KIAA0825: variants seen among roughly 807,000 people sequenced by gnomAD.
KIAA0825 encodes KIAA0825, also known as uncharacterized protein KIAA0825.
Under a neutral mutation model 147.6 loss-of-function variants are expected in KIAA0825, and 119 were observed. The ratio of observed to expected loss-of-function variants is 0.81; its 90% CI spans 0.69 to 0.94. The LOEUF (loss-of-function observed/expected upper bound fraction) is 0.94. Among genes scored for constraint, KIAA0825 ranks in the 40% least tolerant of loss-of-function variants. The pLI is 0.00. For missense variants in KIAA0825, 1,381 were observed against 1,472.7 expected, an observed-to-expected ratio of 0.94 and a Z score of 1.02; for synonymous variants, 470 against 518.1, an observed-to-expected ratio of 0.91 and a Z score of 1.26.
intron 2 of KIAA0825, among the ~76,000 whole-genome samples, chr5:94,572,487 G>A (rs1441482576): frequency 2.0e-5 from 3 of 152,140 alleles, no homozygotes; most frequent in Non-Finnish European, 4.4e-5. Context: ...TCACAATTTA[G>A]AAGTACACAG....
At chr5:94,160,456 G>A (rs913569544) in intron 20 of KIAA0825, among the ~76,000 whole-genome samples, 3 of 148,628 alleles carry the variant, frequency 2.0e-5, no homozygotes, top group Non-Finnish European at 3.0e-5. Context: ...GTACATTTCT[G>A]TATATATCTG....
intron 2 of KIAA0825, among the ~76,000 whole-genome samples, chr5:94,572,898 G>A (rs114076746): frequency 0.011 from 1,660 of 152,202 alleles, 16 homozygotes; most frequent in Non-Finnish European, 0.015. Context: ...AAGTGTTGGC[G>A]AAAAGAATCA....
intron 20 of KIAA0825, among the ~76,000 whole-genome samples, chr5:94,288,892 T>C (rs1203787076): frequency 6.6e-6 from 1 of 152,158 alleles, no homozygotes; most frequent in Admixed American, 6.5e-5. Context: ...CCACTTAAAA[T>C]CGTATTAAAA....
chr5:94,341,141 TTTAA>T (rs1490112603), intron 20 of KIAA0825, among the ~76,000 whole-genome samples: 20 of 152,342 alleles, frequency 1.3e-4, no homozygotes, highest in African/African-American at 2.6e-4. Context: ...ATGATATTAC[TTTAA>T]TTGTTAGATA....
At chr5:94,182,174 G>A (rs765294723) in intron 20 of KIAA0825, among the ~76,000 whole-genome samples, 21 of 146,088 alleles carry the variant, frequency 1.4e-4, no homozygotes, top group South Asian at 4.4e-4. Flanking sequence ...TCACCCTTCA[G>A]CTGTTCATAC....
In KIAA0825 at chr5:94,417,892, T is replaced by A. The variant is rs767263758; in HGVS notation, c.2498-527A>T. 6.6e-5 allele frequency among the ~76,000 whole-genome samples: 10 copies of A among 152,240 alleles called. No individual in the cohort carries two copies. In the East Asian group the frequency reaches 1.7e-3, roughly 26 times the overall value. The stretch of plus-strand genomic sequence containing the variant: ...ACCTTGTCATATCAGACTGAAGAGT[T>A]TTATCAATTGGTTCCTCAATAAAAC... On this transcript the variant is annotated intron_variant, in intron 14 of 20. Transcript: ENST00000682413.
intron 2 of KIAA0825, among the ~76,000 whole-genome samples, chr5:94,562,395 C>A (rs971544551): frequency 3.3e-5 from 5 of 152,166 alleles, no homozygotes; most frequent in African/African-American, 9.7e-5. Context: ...TTACTTATCT[C>A]AACAGTGAAT....
chr5:94,371,195 C>T (rs982761504), intron 20 of KIAA0825, among the ~76,000 whole-genome samples: 2 of 151,958 alleles, frequency 1.3e-5, no homozygotes, highest in Non-Finnish European at 2.9e-5. Flanking sequence ...AAATTTTACA[C>T]CAGATTTCAC....
At chr5:94,192,950 T>A (rs1770807326) in intron 20 of KIAA0825, among the ~76,000 whole-genome samples, 1 of 152,198 alleles carries the variant, frequency 6.6e-6, no homozygotes, top group Non-Finnish European at 1.5e-5. Flanking sequence ...CTCTCCCCAA[T>A]TACTATATTA....
At chr5:94,604,379 C>T (rs772661871) in intron 1 of KIAA0825, among the ~76,000 whole-genome samples, 6 of 152,016 alleles carry the variant, frequency 3.9e-5, no homozygotes, top group African/African-American at 9.7e-5. Flanking sequence ...GCCAACATGG[C>T]GAAACCCTGT....
intron 20 of KIAA0825, among the ~76,000 whole-genome samples, chr5:94,361,928 A>C (rs1440916501): frequency 6.6e-6 from 1 of 152,174 alleles, no homozygotes; most frequent in African/African-American, 2.4e-5. Flanking sequence ...ACTTACACAC[A>C]CTGAAGAACA....
intron 3 of KIAA0825, among the ~76,000 whole-genome samples, chr5:94,526,747 T>G (rs1436716622): frequency 6.6e-6 from 1 of 152,010 alleles, no homozygotes; most frequent in African/African-American, 2.4e-5. Flanking sequence ...ATGTTAAATA[T>G]GTGGTAGGCA....
At chr5:94,580,607 T>G (rs1352020846) in intron 2 of KIAA0825, among the ~76,000 whole-genome samples, 1 of 105,392 alleles carries the variant, frequency 9.5e-6, no homozygotes, top group East Asian at 2.3e-4. Context: ...CCGGGCGCGG[T>G]GGCTCACGCC....
At chr5:94,487,953 AAAAAC>A (rs997792416) in intron 5 of KIAA0825, among the ~76,000 whole-genome samples, 1 of 152,104 alleles carries the variant, frequency 6.6e-6, no homozygotes, top group South Asian at 2.1e-4. Flanking sequence ...ACCCTGTCTC[AAAAAC>A]AAAACAAAAC....
At chr5:94,205,571 G>C (rs368293038) in intron 20 of KIAA0825, among the ~76,000 whole-genome samples, 1 of 152,030 alleles carries the variant, frequency 6.6e-6, no homozygotes, top group Non-Finnish European at 1.5e-5. Context: ...GATTACAGGC[G>C]TGAGCCACCA....
chr5:94,616,330 A>C (rs1790467542), intron 1 of KIAA0825, among the ~76,000 whole-genome samples: 1 of 152,198 alleles, frequency 6.6e-6, no homozygotes, highest in South Asian at 2.1e-4. Flanking sequence ...TCTGAAAATT[A>C]GGCTATTTCT....
Position 94,571,718 on chromosome 5 carries a change from G to A in KIAA0825, c.-2+10715C>T, listed in dbSNP as rs550118268. On this transcript the variant is annotated intron_variant, in intron 2 of 20. Transcript: ENST00000682413. ...ATACCATTACAGAGTCATCATGGTGGATGGTAAGTGTCAACAAACATTTTA... is the reference window on the plus strand; with the variant it reads ...ATACCATTACAGAGTCATCATGGTGAATGGTAAGTGTCAACAAACATTTTA... Among the ~76,000 whole-genome samples the A allele has an allele frequency of 5.3e-5, 8 of 152,314 alleles. No homozygotes were observed. In the South Asian group the frequency reaches 1.7e-3, roughly 32 times the overall value.
chr5:94,199,095 C>A (rs558419041), intron 20 of KIAA0825, among the ~76,000 whole-genome samples: 1 of 152,264 alleles, frequency 6.6e-6, no homozygotes, highest in African/African-American at 2.4e-5. Flanking sequence ...CTAGTATGAT[C>A]ATTTTGAGGT....
At chr5:94,527,568 T>C (rs1769579858) in intron 3 of KIAA0825, among the ~76,000 whole-genome samples, 1 of 151,988 alleles carries the variant, frequency 6.6e-6, no homozygotes, top group Non-Finnish European at 1.5e-5. Flanking sequence ...ACTTATTTAT[T>C]ACAGTATGGA....
Sources: allele counts gnomAD v4.1 joint callset (sites outside exome capture counted in the v4.1 genomes callset), GRCh38; gene constraint gnomAD v4.1.1; transcripts MANE v1.5; gene names NCBI Gene and HGNC (gene_info 2026-07-23, HGNC 2026-07-21).